Variants in CMIP observed in about 807,000 individuals in gnomAD.
The protein encoded by CMIP is c-Maf inducing protein.
Under a neutral mutation model 97.3 loss-of-function variants are expected in CMIP, and 13 were observed. The ratio of observed to expected loss-of-function variants is 0.13; its 90% CI spans 0.09 to 0.21. The LOEUF (loss-of-function observed/expected upper bound fraction) is 0.21, where lower values mean the gene tolerates loss of function less well. Among genes scored for constraint, CMIP ranks in the 10% least tolerant of loss-of-function variants. The pLI is 1.00. For missense variants in CMIP, 847 were observed against 1,024.9 expected, an observed-to-expected ratio of 0.83 and a Z score of 2.37; for synonymous variants, 538 against 436.3, an observed-to-expected ratio of 1.23 and a Z score of -2.91.
intron 6 of CMIP, among the ~76,000 whole-genome samples, chr16:81,661,556 C>A (rs898776822): frequency 1.8e-4 from 27 of 152,194 alleles, no homozygotes; most frequent in African/African-American, 6.5e-4. Flanking sequence ...CCCTGTCATA[C>A]CCCTGCTGCC....
rs1025824226 is a variant in CMIP at position 81,616,999 on chromosome 16, G to C, written c.427-3877G>C. 1 of 152,476 alleles carries C rather than the reference G, an allele frequency of 6.6e-6. No individual in the cohort carries two copies. Among genetic ancestry groups the C allele is most frequent in the Non-Finnish European group, 1.5e-5 (1 of 68,262 alleles). The allele number at this position is 152,476 out of a possible 1,614,324, so 9.4% of individuals were successfully genotyped here. On this transcript the variant is annotated intron_variant, in intron 2 of 20. Coordinates refer to ENST00000537098, the MANE Select transcript of CMIP (RefSeq NM_198390.3). This position sits in a 1 kb window ranked among gnomAD's most constrained non-coding sequence, Gnocchi z 4.7. The stretch of plus-strand genomic sequence containing the variant: ...ATCCCTGCCAACAACTCAGCAGTGG[G>C]CCGGACCCAGTCTGGCAGGGCCAGA...
intron 1 of CMIP, among the ~76,000 whole-genome samples, chr16:81,532,367 G>A (rs1317263492): frequency 6.6e-6 from 1 of 152,226 alleles, no homozygotes; most frequent in Non-Finnish European, 1.5e-5. Context: ...AGATATAATT[G>A]TCTTTTAGAA....
chr16:81,501,905 C>G (rs2089620747), intron 1 of CMIP, among the ~76,000 whole-genome samples: 1 of 152,212 alleles, frequency 6.6e-6, no homozygotes, highest in South Asian at 2.1e-4. Context: ...AGCCATTCTG[C>G]TACTAACCGG....
intron 1 of CMIP, among the ~76,000 whole-genome samples, chr16:81,603,935 A>G (rs1381532395): frequency 6.6e-6 from 1 of 152,242 alleles, no homozygotes; most frequent in African/African-American, 2.4e-5. Flanking sequence ...TACCTATTAA[A>G]TAAATTCTCA....
chr16:81,698,688 A>G (rs1333800024), intron 14 of CMIP, among the ~76,000 whole-genome samples: 2 of 152,126 alleles, frequency 1.3e-5, no homozygotes, highest in African/African-American at 4.8e-5. Flanking sequence ...TTGTAACACA[A>G]CCATCACCAC....
chr16:81,615,495 TGGTGTGTGTGTCTGTGTGCA>T (rs1366600479), intron 2 of CMIP, among the ~76,000 whole-genome samples: 1 of 148,432 alleles, frequency 6.7e-6, no homozygotes, highest in African/African-American at 2.5e-5. Context: ...TGTGTGTGTG[TGGTGTGTGTGTCTGTGTGCA>T]GGTGTATGTG....
At chr16:81,633,774 C>T (rs2092197470) in intron 3 of CMIP, among the ~76,000 whole-genome samples, 1 of 152,234 alleles carries the variant, frequency 6.6e-6, no homozygotes, top group Non-Finnish European at 1.5e-5. Context: ...ATGCTTGGAC[C>T]ATTCCCTTTG....
At chr16:81,575,880 T>G (rs962374024) in intron 1 of CMIP, among the ~76,000 whole-genome samples, 3 of 152,192 alleles carry the variant, frequency 2.0e-5, no homozygotes, top group Non-Finnish European at 2.9e-5. Context: ...GTGGCTATTT[T>G]AATTCCTTGA....
At chr16:81,611,264 C>G (rs778565123) in intron 2 of CMIP, 2 of 152,244 alleles carry the variant, frequency 1.3e-5, no homozygotes, top group Non-Finnish European at 2.9e-5. Flanking sequence ...GACCTCGAGG[C>G]CTTTTCATTT....
chr16:81,464,310 T>C (rs1459813945), intron 1 of CMIP: 1 of 152,248 alleles, frequency 6.6e-6, no homozygotes, highest in Non-Finnish European at 1.5e-5. Context: ...AAAGATGACA[T>C]CTGGTCACAG....
intron 2 of CMIP, among the ~76,000 whole-genome samples, chr16:81,613,585 T>C (rs1450338497): frequency 6.6e-6 from 1 of 152,208 alleles, no homozygotes; most frequent in Non-Finnish European, 1.5e-5. Context: ...GGCTCGTAGA[T>C]ATTACATGTA....
chr16:81,693,280 G>T (rs1906314216), intron 12 of CMIP, 96 bp downstream of exon 12: 1 of 1,397,498 alleles, frequency 7.2e-7, no homozygotes, highest in Non-Finnish European at 1.0e-6. Context: ...GGAGGCAGTG[G>T]TGGCTCCTCT....
chr16:81,544,232 C>T (rs1298468615), intron 1 of CMIP, among the ~76,000 whole-genome samples: 1 of 152,216 alleles, frequency 6.6e-6, no homozygotes. Context: ...TGCACGCATC[C>T]CTTTTCAATG....
At chr16:81,612,759 T>C (rs2091852393) in intron 2 of CMIP, among the ~76,000 whole-genome samples, 2 of 152,206 alleles carry the variant, frequency 1.3e-5, no homozygotes, top group Admixed American at 1.3e-4. Flanking sequence ...GCCCGCAGGC[T>C]TCCGGGGGAC....
intron 1 of CMIP, among the ~76,000 whole-genome samples, chr16:81,569,212 G>C (rs2091039351): frequency 6.6e-6 from 1 of 152,182 alleles, no homozygotes; most frequent in African/African-American, 2.4e-5. Flanking sequence ...AATATCTGTA[G>C]TGACAGCTCC....
rs755630056 is a variant in CMIP, at chr16:81,703,927, G to T, written c.1945-12G>T. On this transcript the variant is annotated splice_polypyrimidine_tract_variant and intron_variant, in intron 17 of 20. Transcript: ENST00000537098. ...AGCAGCACCCTCAGGCCTCTCCCCC[G>T]TCTGCCCGCAGGACGCTGACTTGGC... The T allele has an allele frequency of 1.3e-6, 2 of 1,588,752 alleles. No homozygotes were observed. The highest frequency in any genetic ancestry group is 1.7e-5 in the Admixed American group (1 of 58,016).
At chr16:81,553,432 G>C (rs1392136530) in intron 1 of CMIP, among the ~76,000 whole-genome samples, 5 of 152,228 alleles carry the variant, frequency 3.3e-5, no homozygotes, top group African/African-American at 9.6e-5. Flanking sequence ...GCTGGCCTCA[G>C]AGGTGCCTTC....
intron 1 of CMIP, among the ~76,000 whole-genome samples, chr16:81,587,455 C>T (rs899751075): frequency 6.6e-6 from 1 of 152,230 alleles, no homozygotes; most frequent in South Asian, 2.1e-4. Context: ...GGTTTCACCT[C>T]TGTTCAGCCA....
intron 6 of CMIP, among the ~76,000 whole-genome samples, chr16:81,662,096 C>T (rs2092553356): frequency 6.6e-6 from 1 of 152,130 alleles, no homozygotes; most frequent in African/African-American, 2.4e-5. Flanking sequence ...GTATCATGCC[C>T]CCAGAAGAGT....
Sources: gnomAD v4.1 joint callset for allele counts (sites outside exome capture counted in the v4.1 genomes callset) on GRCh38, gnomAD v4.1.1 for gene constraint, Gnocchi (gnomAD v3.1) non-coding constraint, MANE v1.5 for transcripts, NCBI Gene and HGNC (gene_info 2026-07-23, HGNC 2026-07-21) for gene names.